Variants in BTBD9 observed in about 807,000 individuals in gnomAD.
BTBD9 encodes the protein BTB/POZ domain-containing protein 9.
BTBD9 carries 49 observed loss-of-function variants against 64.3 expected under a neutral mutation model. That is an observed-to-expected ratio of 0.76 (90% CI 0.61 to 0.97). The LOEUF is 0.97. Among genes scored for constraint, BTBD9 ranks in the 50% least tolerant of loss-of-function variants. The probability of loss-of-function intolerance (pLI) is 0.00; values close to 1 mark genes in which losing one functional copy is unlikely to be tolerated. For synonymous variants in BTBD9, 260 were observed against 274.7 expected, an observed-to-expected ratio of 0.95 and a Z score of 0.53; for missense variants, 598 against 762.1, an observed-to-expected ratio of 0.78 and a Z score of 2.53.
At chr6:38,565,816 T>C (rs1775467414) in intron 6 of BTBD9, 1 of 152,196 alleles carries the variant, frequency 6.6e-6, no homozygotes, top group Non-Finnish European at 1.5e-5. Context: ...ATCAGACAAA[T>C]GGGCAAAGAC....
At chr6:38,637,619 G>A (rs1778570456) in intron 1 of BTBD9, among the ~76,000 whole-genome samples, 1 of 152,180 alleles carries the variant, frequency 6.6e-6, no homozygotes, top group African/African-American at 2.4e-5. Context: ...GTCACTGAGT[G>A]TGACTGGATG....
chr6:38,189,858 C>G (rs545255961), intron 10 of BTBD9, among the ~76,000 whole-genome samples: 2 of 151,896 alleles, frequency 1.3e-5, no homozygotes, highest in Non-Finnish European at 2.9e-5. Context: ...ATTTTTAGCA[C>G]AGACGGGGTT....
At chr6:38,385,230 C>T (rs1304985318) in intron 6 of BTBD9, among the ~76,000 whole-genome samples, 3 of 149,386 alleles carry the variant, frequency 2.0e-5, no homozygotes, top group South Asian at 2.2e-4. Context: ...CTTGCTCTGT[C>T]GCCCAGGCTG....
chr6:38,635,997 C>T (rs1778515304), intron 1 of BTBD9, among the ~76,000 whole-genome samples: 1 of 152,124 alleles, frequency 6.6e-6, no homozygotes, highest in African/African-American at 2.4e-5. Flanking sequence ...CTCCTACTAT[C>T]TCTACATCTA....
At chr6:38,279,473 G>T (rs1234749392) in intron 8 of BTBD9, among the ~76,000 whole-genome samples, 3 of 151,984 alleles carry the variant, frequency 2.0e-5, no homozygotes, top group Non-Finnish European at 4.4e-5. Flanking sequence ...CCCTTCATCA[G>T]TTTTTTCAGA....
At chr6:38,542,662 T>C (rs1433614273) in intron 6 of BTBD9, among the ~76,000 whole-genome samples, 2 of 152,132 alleles carry the variant, frequency 1.3e-5, no homozygotes, top group African/African-American at 2.4e-5. Context: ...AACAAAACAC[T>C]CTAGATTCCT....
chr6:38,285,021 G>A (rs1410645872), intron 8 of BTBD9, among the ~76,000 whole-genome samples: 1 of 152,108 alleles, frequency 6.6e-6, no homozygotes, highest in Non-Finnish European at 1.5e-5. Context: ...TGCACACGCA[G>A]GACACGAGGT....
intron 10 of BTBD9, among the ~76,000 whole-genome samples, chr6:38,176,473 T>C (rs994876607): frequency 6.6e-6 from 1 of 152,214 alleles, no homozygotes; most frequent in Non-Finnish European, 1.5e-5. Context: ...TTTCTCTCCT[T>C]ATAGGGCAGG....
intron 6 of BTBD9, among the ~76,000 whole-genome samples, chr6:38,417,901 G>C (rs1037881697): frequency 2.0e-5 from 3 of 152,004 alleles, no homozygotes; most frequent in Non-Finnish European, 2.9e-5. Context: ...AGCAGTCTTT[G>C]TTTTGGATAG....
At chr6:38,427,248 A>G (rs1199525677) in intron 6 of BTBD9, among the ~76,000 whole-genome samples, 2 of 151,628 alleles carry the variant, frequency 1.3e-5, no homozygotes, top group Admixed American at 6.6e-5. Flanking sequence ...TCAGCTATTC[A>G]GGAGGCTCAG....
At chr6:38,489,857 C>G (rs1445281663) in intron 6 of BTBD9, among the ~76,000 whole-genome samples, 1 of 152,120 alleles carries the variant, frequency 6.6e-6, no homozygotes, top group Non-Finnish European at 1.5e-5. Context: ...ATGATAAGAG[C>G]CAAACAGAAA....
intron 9 of BTBD9, among the ~76,000 whole-genome samples, chr6:38,244,477 CT>C (rs928380007): frequency 2.0e-4 from 30 of 147,160 alleles, no homozygotes; most frequent in Admixed American, 7.5e-4. Flanking sequence ...TAAGTTTGGG[CT>C]TTTTTTTTTA....
intron 6 of BTBD9, among the ~76,000 whole-genome samples, chr6:38,407,718 A>AT (rs1189502940): frequency 6.6e-6 from 1 of 152,116 alleles, no homozygotes; most frequent in East Asian, 1.9e-4. Flanking sequence ...AAACTATTTC[A>AT]TTTTCCATGG....
chr6:38,485,414 C>T (rs1416624771), intron 6 of BTBD9, among the ~76,000 whole-genome samples: 3 of 152,186 alleles, frequency 2.0e-5, no homozygotes, highest in Non-Finnish European at 4.4e-5. Flanking sequence ...TAAGCTATAG[C>T]CTTACAAAAT....
rs112277893 is a variant in BTBD9, at chr6:38,199,305, C to T, written c.1563-6708G>A. On this transcript the variant is annotated intron_variant, in intron 9 of 10. Transcript: ENST00000481247. The stretch of plus-strand genomic sequence containing the variant: ...CAGGCCCCCGTGATACAGTCTTAAA[C>T]CCCAGGCAGGAGACTGGAGAGTCCC... Among the ~76,000 whole-genome samples, 680 of 152,272 alleles carry T rather than the reference C, an allele frequency of 4.5e-3. 3 individuals are homozygous for T. The highest frequency in any genetic ancestry group is 0.016 in the African/African-American group (652 of 41,554).
At chr6:38,533,922 TACATCAA>T (rs2127431995) in intron 6 of BTBD9, among the ~76,000 whole-genome samples, 1 of 152,130 alleles carries the variant, frequency 6.6e-6, no homozygotes, top group Admixed American at 6.5e-5. Context: ...TGTAAGTGCC[TACATCAA>T]AAAAGAAAAA....
In BTBD9 at chr6:38,325,400, A is replaced by G. The variant is rs139933901; in HGVS notation, c.1264+19584T>C. ...AATGGATACCTGTTTAAAAACAACA[A>G]AGAGGCTGGGTGCGGTGGCTCATGC... On this transcript the variant is annotated intron_variant, in intron 7 of 10. Coordinates refer to ENST00000481247, the MANE Select transcript of BTBD9 (RefSeq NM_001099272.2). 1.1e-3 allele frequency among the ~76,000 whole-genome samples: 169 copies of G among 152,274 alleles called. 1 individual carries two copies. The highest frequency in any genetic ancestry group is 3.9e-3 in the African/African-American group (164 of 41,576).
chr6:38,464,780 G>A (rs908606479), intron 6 of BTBD9, among the ~76,000 whole-genome samples: 1 of 152,208 alleles, frequency 6.6e-6, no homozygotes, highest in Non-Finnish European at 1.5e-5. Context: ...ATAGGCTTGA[G>A]CCACTGCACC....
intron 6 of BTBD9, among the ~76,000 whole-genome samples, chr6:38,548,411 C>T (rs189427454): frequency 6.6e-5 from 10 of 152,266 alleles, no homozygotes; most frequent in Admixed American, 6.5e-4. Context: ...ATCATTTCTT[C>T]CTGTTCTCTT....
Sources: allele counts gnomAD v4.1 joint callset (sites outside exome capture counted in the v4.1 genomes callset), GRCh38; gene constraint gnomAD v4.1.1; transcripts MANE v1.5; gene names NCBI Gene and HGNC (gene_info 2026-07-23, HGNC 2026-07-21).